RUFY1: variants seen among roughly 807,000 people sequenced by gnomAD.
RUFY1 encodes RUN and FYVE domain containing 1, also known as RUN and FYVE domain-containing protein 1.
Under a neutral mutation model 94.6 loss-of-function variants are expected in RUFY1, and 54 were observed. That is an observed-to-expected ratio of 0.57 (90% CI 0.46 to 0.72). The LOEUF is 0.72. Among genes scored for constraint, RUFY1 ranks in the 30% least tolerant of loss-of-function variants. RUFY1 has a pLI of 0.00. For synonymous variants in RUFY1, 396 were observed against 347.3 expected (o/e 1.14, Z -1.56); for missense variants, 883 against 883.9 (o/e 1.00, Z 0.01).
At chr5:179,573,626 G>T (rs982945398) in intron 5 of RUFY1, among the ~76,000 whole-genome samples, 1 of 152,034 alleles carries the variant, frequency 6.6e-6, no homozygotes, top group Non-Finnish European at 1.5e-5. Context: ...GGGTTCAAGT[G>T]ATTCTCCTGC....
At chr5:179,580,409 A>C (rs946088738) in intron 6 of RUFY1, among the ~76,000 whole-genome samples, 5 of 149,846 alleles carry the variant, frequency 3.3e-5, no homozygotes, top group Admixed American at 1.3e-4. Flanking sequence ...CGCCCGGCTA[A>C]TTTTTTGTAT....
chr5:179,568,946 T>C (rs1763026165), intron 4 of RUFY1: 4 of 735,920 alleles, frequency 5.4e-6, no homozygotes, highest in Middle Eastern at 7.1e-4. Context: ...CCTGTTTATA[T>C]CAGCATAAGT....
intron 15 of RUFY1, among the ~76,000 whole-genome samples, chr5:179,604,752 C>T (rs1288339390): frequency 6.6e-6 from 1 of 152,112 alleles, no homozygotes; most frequent in Non-Finnish European, 1.5e-5. Context: ...GAGGCCGAGG[C>T]AGGTGGATCA....
At chr5:179,570,725 G>A (rs1763166382) in intron 5 of RUFY1, among the ~76,000 whole-genome samples, 1 of 151,896 alleles carries the variant, frequency 6.6e-6, no homozygotes, top group Admixed American at 6.6e-5. Flanking sequence ...TGAATCTAAA[G>A]ATTCCCTGAT....
chr5:179,609,361 C>T lies in RUFY1; in HGVS notation c.1984-15C>T, dbSNP rs755220370. On this transcript the variant is annotated splice_polypyrimidine_tract_variant and intron_variant, in intron 17 of 17. Coordinates refer to ENST00000319449, the MANE Select transcript of RUFY1 (RefSeq NM_025158.5). Reference sequence around the variant, plus strand: ...TCCCCGGGTGTCCTGTGACCGCCTTCTTCCCGTCCTGTAGCACCACTGCCG... The same window carrying T: ...TCCCCGGGTGTCCTGTGACCGCCTTTTTCCCGTCCTGTAGCACCACTGCCG... 6.2e-7 allele frequency: 1 copy of T among 1,612,144 alleles called. No individual in the cohort carries two copies.
At chr5:179,609,223 A>G (rs1767460057) in intron 17 of RUFY1, among the ~76,000 whole-genome samples, 153 bp from the exon 18 acceptor site, 1 of 137,972 alleles carries the variant, frequency 7.2e-6, no homozygotes, top group African/African-American at 2.6e-5. Context: ...AAAAAAAAAA[A>G]AAGACCCTTG....
intron 6 of RUFY1, among the ~76,000 whole-genome samples, chr5:179,579,694 C>T (rs56778878): frequency 0.33 from 18,438 of 56,670 alleles, 1,507 homozygotes; most frequent in Middle Eastern, 0.49. Context: ...TGGAATCTCT[C>T]CCTCTGTCGC....
At chr5:179,564,332 C>G (rs996360697) in intron 3 of RUFY1, among the ~76,000 whole-genome samples, 3 of 151,378 alleles carry the variant, frequency 2.0e-5, no homozygotes, top group South Asian at 4.2e-4. Context: ...ATTGGCCAGG[C>G]TGGTCTCCAA....
chr5:179,560,322 T>C, intron 2 of RUFY1, 124 bp downstream of exon 2: 1 of 1,244,516 alleles, frequency 8.0e-7, no homozygotes, highest in Non-Finnish European at 1.1e-6. Flanking sequence ...ACAGGCAAGG[T>C]TCCTGTATTC....
At chr5:179,591,804 CTT>C (rs1765131936) in intron 10 of RUFY1, 63 bp downstream of exon 10, 1 of 961,892 alleles carries the variant, frequency 1.0e-6, no homozygotes, top group Non-Finnish European at 1.6e-6. Context: ...TCTGTCAACA[CTT>C]TTCATAGACA....
At chr5:179,607,329 C>T (rs1023697940) in intron 16 of RUFY1, 16 of 525,904 alleles carry the variant, frequency 3.0e-5, no homozygotes, top group African/African-American at 1.9e-4. Flanking sequence ...ATGCTGGAGA[C>T]CGCCTGGAGG....
At chr5:179,561,318 T>C (rs1762438757) in intron 2 of RUFY1, among the ~76,000 whole-genome samples, 1 of 152,002 alleles carries the variant, frequency 6.6e-6, no homozygotes, top group Non-Finnish European at 1.5e-5. Context: ...ACAGGTGTGC[T>C]AAGTGTGCTG....
chr5:179,582,259 C>G (rs1375234176), intron 7 of RUFY1, among the ~76,000 whole-genome samples: 1 of 152,040 alleles, frequency 6.6e-6, no homozygotes, highest in African/African-American at 2.4e-5. Flanking sequence ...AGGTCTTACT[C>G]TGTCACCCAG....
chr5:179,594,043 G>A (rs1007305518), intron 11 of RUFY1, among the ~76,000 whole-genome samples: 6 of 152,108 alleles, frequency 3.9e-5, no homozygotes, highest in Admixed American at 3.3e-4. Flanking sequence ...GGTGGCTCAC[G>A]CTTGTAATCC....
At chr5:179,589,493 G>T in intron 8 of RUFY1, 53 bp from the exon 9 acceptor site, 2 of 1,136,168 alleles carry the variant, frequency 1.8e-6, no homozygotes, top group South Asian at 2.5e-5. Flanking sequence ...TTTTTAATTT[G>T]AACAATAAGA....
intron 2 of RUFY1, among the ~76,000 whole-genome samples, chr5:179,562,002 T>C (rs62395253): frequency 0.99 from 150,684 of 151,704 alleles, 74,848 homozygotes; most frequent in East Asian, 1. Flanking sequence ...TGTTTTATTC[T>C]ATGGGCAATA....
At position 179,586,161 on chromosome 5, in the gene RUFY1, G is replaced by A. The variant is rs1411369159; in HGVS notation, c.1026+296G>A. Among the ~76,000 whole-genome samples the A allele has an allele frequency of 2.0e-5, 3 of 152,146 alleles. No individual in the cohort carries two copies. The East Asian group carries it at 5.8e-4, about 29-fold the overall frequency. On this transcript the variant is annotated intron_variant, in intron 8 of 17. Transcript: ENST00000319449. The stretch of plus-strand genomic sequence containing the variant: ...GCCCAGCTTGTGTTGTGGAAGTGCC[G>A]TGTCTTCCTCTTTTTCTGCCCTTCC...
rs1477281099 is a variant in RUFY1, at chr5:179,585,792, A to G, written c.957-4A>G. The G allele has an allele frequency of 1.9e-6, 3 of 1,605,346 alleles. No individual in the cohort carries two copies. Among genetic ancestry groups the G allele is most frequent in the African/African-American group, 2.7e-5 (2 of 74,746 alleles). On this transcript the variant is annotated splice_region_variant and splice_polypyrimidine_tract_variant and intron_variant, in intron 7 of 17. Transcript: ENST00000319449. ...TGTTTACTTAATATTCTTATTTTCT[A>G]CAGCTGCACAGTTGGGGATCTTCAA...
intron 5 of RUFY1, 30 bp from the exon 6 acceptor site, chr5:179,577,045 A>G (rs972681185): frequency 7.0e-7 from 1 of 1,428,082 alleles, no homozygotes; most frequent in Non-Finnish European, 9.8e-7. Context: ...AGGACATTTT[A>G]TTTAAACTTG....
Sources: gnomAD v4.1 joint callset for allele counts (sites outside exome capture counted in the v4.1 genomes callset) on GRCh38, gnomAD v4.1.1 for gene constraint, MANE v1.5 for transcripts, NCBI Gene and HGNC (gene_info 2026-07-23, HGNC 2026-07-21) for gene names.